The following CTNNA3 variants were observed in gnomAD, a reference collection of about 807,000 sequenced individuals.
The protein encoded by CTNNA3 is catenin alpha 3.
In CTNNA3, 76 loss-of-function variants were observed where a neutral mutation model predicts 95.7. The ratio of observed to expected loss-of-function variants is 0.79; its 90% CI spans 0.66 to 0.96. The LOEUF is 0.96. Ranked by LOEUF, CTNNA3 falls within the 40% of genes least tolerant of loss-of-function variation. The pLI is 0.00. For missense variants in CTNNA3, 1,191 were observed against 1,089.8 expected, an observed-to-expected ratio of 1.09 and a Z score of -1.31; for synonymous variants, 431 against 374.4, an observed-to-expected ratio of 1.15 and a Z score of -1.74.
At chr10:66,209,623 G>A (rs2088003121) in intron 13 of CTNNA3, among the ~76,000 whole-genome samples, 1 of 152,132 alleles carries the variant, frequency 6.6e-6, no homozygotes, top group Non-Finnish European at 1.5e-5. Context: ...AGAAAACGCA[G>A]TCAGAGATTA....
At chr10:66,607,362 C>G (rs555064080) in intron 10 of CTNNA3, among the ~76,000 whole-genome samples, 1 of 149,074 alleles carries the variant, frequency 6.7e-6, no homozygotes, top group Non-Finnish European at 1.5e-5. Context: ...CAAAGAAGAG[C>G]TGGTATCATT....
intron 9 of CTNNA3, among the ~76,000 whole-genome samples, chr10:66,689,395 CT>C (rs1337117568): frequency 6.6e-6 from 1 of 152,128 alleles, no homozygotes; most frequent in Admixed American, 6.5e-5. Context: ...CTATTAATTC[CT>C]GAGAAATTGC....
chr10:66,712,330 G>A (rs1589156647), intron 9 of CTNNA3, among the ~76,000 whole-genome samples: 1 of 152,044 alleles, frequency 6.6e-6, no homozygotes, highest in East Asian at 1.9e-4. Flanking sequence ...TAAAATTCTT[G>A]ATGAGTAAAG....
intron 9 of CTNNA3, among the ~76,000 whole-genome samples, chr10:66,642,336 C>T (rs531500432): frequency 5.0e-4 from 76 of 151,356 alleles, no homozygotes; most frequent in Non-Finnish European, 7.8e-4. Flanking sequence ...ACATTCCCTC[C>T]ACCCAGAAAA....
intron 9 of CTNNA3, among the ~76,000 whole-genome samples, chr10:66,626,292 G>A (rs1031105927): frequency 7.2e-5 from 11 of 152,026 alleles, no homozygotes; most frequent in Non-Finnish European, 1.3e-4. Flanking sequence ...CCTGTAATAT[G>A]ATCTCTCCAG....
chr10:67,251,348 T>C (rs1011229411), intron 5 of CTNNA3, among the ~76,000 whole-genome samples: 5 of 152,150 alleles, frequency 3.3e-5, no homozygotes, highest in African/African-American at 1.2e-4. Flanking sequence ...TGACTGCTAA[T>C]GGGTACAGGG....
intron 5 of CTNNA3, among the ~76,000 whole-genome samples, chr10:67,505,969 A>G (rs1335986682): frequency 6.6e-6 from 1 of 152,236 alleles, no homozygotes; most frequent in Non-Finnish European, 1.5e-5. Context: ...AAGAAATGCA[A>G]TATTACAAGT....
At chr10:66,019,726 C>CAA (rs151166915) in intron 15 of CTNNA3, among the ~76,000 whole-genome samples, 2 of 151,470 alleles carry the variant, frequency 1.3e-5, no homozygotes, top group Non-Finnish European at 3.0e-5. Flanking sequence ...AAGAAATGGG[C>CAA]AAAAAAAATA....
chr10:66,362,673 A>G (rs933702199), intron 12 of CTNNA3, among the ~76,000 whole-genome samples: 2 of 151,838 alleles, frequency 1.3e-5, no homozygotes, highest in African/African-American at 4.8e-5. Context: ...AGATCCTGCC[A>G]TTGCACTCCA....
chr10:66,146,731 A>AT (rs1393725778), intron 13 of CTNNA3, among the ~76,000 whole-genome samples: 1 of 151,976 alleles, frequency 6.6e-6, no homozygotes, highest in Non-Finnish European at 1.5e-5. Context: ...TAATTTTTGT[A>AT]TTTTTTGTAG....
At chr10:66,406,827 T>C (rs532250851) in intron 11 of CTNNA3, among the ~76,000 whole-genome samples, 3 of 152,258 alleles carry the variant, frequency 2.0e-5, no homozygotes, top group Non-Finnish European at 4.4e-5. Flanking sequence ...AGAATATAGA[T>C]AGTATAATGA....
At chr10:66,506,474 T>G (rs1179342569) in intron 11 of CTNNA3, among the ~76,000 whole-genome samples, 1 of 152,166 alleles carries the variant, frequency 6.6e-6, no homozygotes, top group Non-Finnish European at 1.5e-5. Flanking sequence ...GCTTTTCCAA[T>G]TTTCTAAAGG....
At chr10:66,199,756 C>T (rs1365492590) in intron 13 of CTNNA3, among the ~76,000 whole-genome samples, 1 of 112,706 alleles carries the variant, frequency 8.9e-6, no homozygotes, top group Non-Finnish European at 1.7e-5. Context: ...CGTGTGCCAC[C>T]ACGCCTGGCT....
intron 12 of CTNNA3, among the ~76,000 whole-genome samples, chr10:66,285,412 A>G (rs2091567653): frequency 6.6e-6 from 1 of 151,842 alleles, no homozygotes; most frequent in South Asian, 2.1e-4. Context: ...AAAAATCTTC[A>G]TATGTCTACA....
chr10:66,855,034 A>G (rs1300188861), intron 7 of CTNNA3, among the ~76,000 whole-genome samples: 1 of 151,956 alleles, frequency 6.6e-6, no homozygotes, highest in Non-Finnish European at 1.5e-5. Flanking sequence ...CACATTATAG[A>G]TGTCTAATAA....
chr10:66,706,779 A>C (rs1291430638), intron 9 of CTNNA3, among the ~76,000 whole-genome samples: 1 of 152,038 alleles, frequency 6.6e-6, no homozygotes, highest in Non-Finnish European at 1.5e-5. Context: ...AGGGGGTCAC[A>C]ACAGCTTAAA....
chr10:67,287,503 T>C (rs1202359068), intron 5 of CTNNA3, among the ~76,000 whole-genome samples: 1 of 152,180 alleles, frequency 6.6e-6, no homozygotes, highest in Non-Finnish European at 1.5e-5. Flanking sequence ...AACTATTGTG[T>C]ATGTTCACCA....
intron 7 of CTNNA3, chr10:66,925,967 C>A (rs1423155106): frequency 2.2e-6 from 1 of 455,904 alleles, no homozygotes; most frequent in Non-Finnish European, 4.4e-6. Context: ...GACATTTCTG[C>A]ACATGCCCAT....
intron 11 of CTNNA3, among the ~76,000 whole-genome samples, chr10:66,472,260 C>T (rs1039717604): frequency 6.6e-6 from 1 of 151,810 alleles, no homozygotes; most frequent in East Asian, 1.9e-4. Context: ...GTGATTTACA[C>T]AGGAAGAGCC....
Sources: allele counts gnomAD v4.1 joint callset (sites outside exome capture counted in the v4.1 genomes callset), GRCh38; gene constraint gnomAD v4.1.1; transcripts MANE v1.5; gene names NCBI Gene and HGNC (gene_info 2026-07-23, HGNC 2026-07-21).